The following ANK2 variants were observed in gnomAD, a reference collection of about 807,000 sequenced individuals.
ANK2 encodes ankyrin 2.
In ANK2, 83 loss-of-function variants were observed where a neutral mutation model predicts 360.5. The ratio of observed to expected loss-of-function variants is 0.23; its 90% confidence interval spans 0.19 to 0.28. ANK2 has a LOEUF of 0.28. Among genes scored for constraint, ANK2 ranks in the 10% least tolerant of loss-of-function variants. The pLI, the probability that ANK2 is intolerant of heterozygous loss-of-function variation, is 1.00. For missense variants in ANK2, 4,201 were observed against 4,795.7 expected (o/e 0.88, Z 3.66); for synonymous variants, 1,740 against 1,759.5 (o/e 0.99, Z 0.28).
intron 26 of ANK2, among the ~76,000 whole-genome samples, chr4:113,323,125 C>A (rs971647265): frequency 6.6e-6 from 1 of 152,002 alleles, no homozygotes; most frequent in Non-Finnish European, 1.5e-5. Flanking sequence ...AAAGGTAGAA[C>A]TATAATGTGG....
intron 22 of ANK2, among the ~76,000 whole-genome samples, chr4:113,300,411 T>G (rs929268346): frequency 2.0e-5 from 3 of 152,238 alleles, no homozygotes; most frequent in South Asian, 4.1e-4. Context: ...TTGCATAATT[T>G]AGTATTAACA....
chr4:113,181,778 C>T (rs2098420809), intron 2 of ANK2, among the ~76,000 whole-genome samples: 1 of 151,998 alleles, frequency 6.6e-6, no homozygotes, highest in Non-Finnish European at 1.5e-5. Context: ...TGTTCAAGGG[C>T]CAGCAAGGAA....
At chr4:112,759,289 C>T in the ANK2 span, among the ~76,000 whole-genome samples, 1 of 152,098 alleles carries the variant, frequency 6.6e-6, no homozygotes, top group African/African-American at 2.4e-5. Context: ...GCACACACCA[C>T]TGTGCCTGTA....
the ANK2 span, among the ~76,000 whole-genome samples, chr4:112,793,853 G>A: frequency 2.0e-5 from 3 of 151,798 alleles, no homozygotes; most frequent in Non-Finnish European, 4.4e-5. Flanking sequence ...CAACAGGCAC[G>A]TGCCACCACA....
rs1052408627 is a variant in ANK2, at chr4:112,860,051, G to T, written c.-40+41787G>T. 2.8e-4 allele frequency among the ~76,000 whole-genome samples: 43 copies of T among 152,138 alleles called. 1 individual carries two copies. The highest frequency in any genetic ancestry group is 2.7e-3 in the Admixed American group (41 of 15,280). Reference sequence around the variant, plus strand: ...AATCTGATAGCTCTAGTGAAAGGAGGATTCATACCATTGTGTCATTATTAG... The same window carrying T: ...AATCTGATAGCTCTAGTGAAAGGAGTATTCATACCATTGTGTCATTATTAG... On this transcript the variant is annotated intron_variant, in intron 1 of 30. Transcript: ENST00000503271.
the ANK2 span, among the ~76,000 whole-genome samples, chr4:112,785,366 T>C: frequency 1.7e-4 from 25 of 151,428 alleles, no homozygotes; most frequent in Admixed American, 1.5e-3. Context: ...TTTATTTATT[T>C]ATTTTCCTTT....
At chr4:113,194,387 G>C (rs774200901) in intron 2 of ANK2, among the ~76,000 whole-genome samples, 2 of 152,132 alleles carry the variant, frequency 1.3e-5, no homozygotes, top group East Asian at 1.9e-4. Flanking sequence ...GTTCTACCTG[G>C]GGTCATCCAC....
chr4:113,014,354 C>T (rs543265551), intron 2 of ANK2, among the ~76,000 whole-genome samples: 191 of 152,170 alleles, frequency 1.3e-3, no homozygotes, highest in Middle Eastern at 3.4e-3. Flanking sequence ...TTATGATAAC[C>T]GTATGAAGGT....
the ANK2 span, among the ~76,000 whole-genome samples, chr4:112,733,453 A>C: frequency 6.6e-6 from 1 of 152,174 alleles, no homozygotes; most frequent in Non-Finnish European, 1.5e-5. Context: ...ACAAAGCATT[A>C]GTTCATGAGT....
intron 1 of ANK2, among the ~76,000 whole-genome samples, chr4:112,902,189 A>G (rs527355266): frequency 1.3e-5 from 2 of 152,364 alleles, no homozygotes; most frequent in Non-Finnish European, 2.9e-5. Context: ...TGAGTATTCA[A>G]AGGCTCTACA....
the ANK2 span, among the ~76,000 whole-genome samples, chr4:112,751,706 G>A: frequency 2.0e-5 from 3 of 152,188 alleles, no homozygotes; most frequent in Non-Finnish European, 4.4e-5. Context: ...ATGCTAAGGT[G>A]TAGAGGGAGT....
the ANK2 span, among the ~76,000 whole-genome samples, chr4:112,759,670 T>C: frequency 1.3e-5 from 2 of 152,210 alleles, no homozygotes. Flanking sequence ...TTTCTGATTT[T>C]GATTTGCTTC....
intron 2 of ANK2, among the ~76,000 whole-genome samples, chr4:113,184,543 A>G (rs2098477362): frequency 6.6e-6 from 1 of 152,112 alleles, no homozygotes; most frequent in African/African-American, 2.4e-5. Flanking sequence ...TGCACTACAA[A>G]CACAGGTGGT....
intron 2 of ANK2, among the ~76,000 whole-genome samples, chr4:112,980,963 G>A (rs2042953537): frequency 6.6e-6 from 1 of 152,206 alleles, no homozygotes; most frequent in Non-Finnish European, 1.5e-5. Context: ...CAGAGAGGTT[G>A]CCCAAGAACT....
At chr4:112,782,798 G>A in the ANK2 span, among the ~76,000 whole-genome samples, 1 of 151,904 alleles carries the variant, frequency 6.6e-6, no homozygotes, top group Non-Finnish European at 1.5e-5. Flanking sequence ...GAATCTGGGA[G>A]GTGGAGGTTG....
At chr4:113,000,629 T>C (rs1400636121) in intron 2 of ANK2, among the ~76,000 whole-genome samples, 1 of 152,114 alleles carries the variant, frequency 6.6e-6, no homozygotes, top group Non-Finnish European at 1.5e-5. Flanking sequence ...ATGAAAAAAA[T>C]TATGAGTTTA....
intron 2 of ANK2, among the ~76,000 whole-genome samples, chr4:112,991,371 G>GCAAT (rs2046730633): frequency 6.6e-6 from 1 of 152,082 alleles, no homozygotes; most frequent in Non-Finnish European, 1.5e-5. Context: ...ATCATATTGA[G>GCAAT]CAATGTGTTA....
chr4:113,008,109 CTT>C (rs57567947), intron 2 of ANK2, among the ~76,000 whole-genome samples: 38 of 143,944 alleles, frequency 2.6e-4, no homozygotes, highest in Non-Finnish European at 2.9e-4. Context: ...TAAGCTTTTC[CTT>C]TTTTTTTTTT....
rs994521805 is a variant in ANK2 at position 113,383,115 on chromosome 4, A to C, written c.*1644A>C. ...GAAGATGAAATTTAAATAAAAAAGG[A>C]CAGAGTCTATCCTCCAGGGATTGAA... On this transcript the variant is annotated 3_prime_UTR_variant, in exon 46 of 46. Coordinates refer to ENST00000357077, the MANE Select transcript of ANK2 (RefSeq NM_001148.6). The C allele has an allele frequency of 6.5e-6, 1 of 152,684 alleles. No homozygotes were observed. Among genetic ancestry groups the C allele is most frequent in the African/African-American group, 2.4e-5 (1 of 41,462 alleles). 9.5% of individuals were successfully genotyped at this position (152,684 alleles called of 1,614,324 possible).
Sources: gnomAD v4.1 joint callset for allele counts (sites outside exome capture counted in the v4.1 genomes callset) on GRCh38, gnomAD v4.1.1 for gene constraint, MANE v1.5 for transcripts, NCBI Gene and HGNC (gene_info 2026-07-23, HGNC 2026-07-21) for gene names.